The following ARHGEF3 variants were observed in gnomAD, a reference collection of about 807,000 sequenced individuals.
ARHGEF3 encodes 59.8 kDA protein.
In ARHGEF3, 28 loss-of-function variants were observed where a neutral mutation model predicts 63.2. The ratio of observed to expected loss-of-function variants is 0.44; its 90% CI spans 0.33 to 0.61. The LOEUF is 0.61. ARHGEF3 is among the 20% of genes least tolerant of loss of function. The pLI is 0.03. For synonymous variants in ARHGEF3, 266 were observed against 254.2 expected, an observed-to-expected ratio of 1.05 and a Z score of -0.44; for missense variants, 533 against 659.3, an observed-to-expected ratio of 0.81 and a Z score of 2.10.
At chr3:57,001,795 C>A (rs2107025204) in intron 2 of ARHGEF3, among the ~76,000 whole-genome samples, 1 of 152,278 alleles carries the variant, frequency 6.6e-6, no homozygotes, top group Admixed American at 6.5e-5. Flanking sequence ...GCCAAATTAA[C>A]CTCCTCCTGC....
At chr3:56,962,431 T>C (rs2106770101) in intron 2 of ARHGEF3, among the ~76,000 whole-genome samples, 2 of 152,348 alleles carry the variant, frequency 1.3e-5, no homozygotes, top group Admixed American at 1.3e-4. Context: ...GGCGTGTCTA[T>C]CGTCTGTGTC....
At chr3:56,889,450 T>C (rs1447876934) in intron 3 of ARHGEF3, among the ~76,000 whole-genome samples, 1 of 152,144 alleles carries the variant, frequency 6.6e-6, no homozygotes, top group African/African-American at 2.4e-5. Flanking sequence ...GACGCTGGAA[T>C]TGGGCACCTA....
At chr3:56,840,082 C>T (rs190120682) in intron 4 of ARHGEF3, among the ~76,000 whole-genome samples, 4 of 152,280 alleles carry the variant, frequency 2.6e-5, no homozygotes, top group African/African-American at 9.6e-5. Context: ...TGGCAGCCCA[C>T]CTTCTTCTTA....
intron 4 of ARHGEF3, among the ~76,000 whole-genome samples, chr3:56,807,633 T>C (rs2037910193): frequency 1.3e-5 from 2 of 152,088 alleles, no homozygotes; most frequent in South Asian, 4.1e-4. Flanking sequence ...CCCTCTCCTC[T>C]CTCTAATTTC....
chr3:57,075,519 A>C (rs1375676774), intron 1 of ARHGEF3: 1 of 154,334 alleles, frequency 6.5e-6, no homozygotes, highest in Non-Finnish European at 1.5e-5. Flanking sequence ...TTAAGAAAAA[A>C]AAAAAAATGG....
At chr3:57,051,468 CAA>C (rs1249319513) in intron 1 of ARHGEF3, among the ~76,000 whole-genome samples, 1 of 151,946 alleles carries the variant, frequency 6.6e-6, no homozygotes, top group Non-Finnish European at 1.5e-5. Flanking sequence ...GCCTGGGCAA[CAA>C]GAGTGAAACT....
At chr3:56,751,577 T>C (rs928270163) in intron 4 of ARHGEF3, among the ~76,000 whole-genome samples, 181 bp from the exon 5 acceptor site, 10 of 152,234 alleles carry the variant, frequency 6.6e-5, no homozygotes, top group Non-Finnish European at 2.9e-5. Context: ...AAACCAGCAC[T>C]GCCTTAAGCC....
intron 2 of ARHGEF3, among the ~76,000 whole-genome samples, chr3:57,027,914 T>C (rs1348017750): frequency 1.3e-5 from 2 of 152,072 alleles, no homozygotes; most frequent in Non-Finnish European, 2.9e-5. Context: ...ACCTGTGACA[T>C]TGGAGCAGGT....
intron 4 of ARHGEF3, among the ~76,000 whole-genome samples, chr3:56,860,285 C>T (rs1291951359): frequency 6.6e-6 from 1 of 152,060 alleles, no homozygotes; most frequent in Non-Finnish European, 1.5e-5. Flanking sequence ...TCACGTGATC[C>T]TCCTGCCTTA....
chr3:57,014,832 C>T (rs1702915715), intron 2 of ARHGEF3, among the ~76,000 whole-genome samples: 1 of 152,080 alleles, frequency 6.6e-6, no homozygotes, highest in Non-Finnish European at 1.5e-5. Context: ...AGGCGCCCGC[C>T]ACTGCACTTG....
intron 3 of ARHGEF3, among the ~76,000 whole-genome samples, chr3:56,908,579 C>T (rs1339181493): frequency 6.6e-6 from 1 of 152,140 alleles, no homozygotes; most frequent in Admixed American, 6.5e-5. Context: ...AGGGACAAGA[C>T]AACTCAGTTT....
At chr3:57,079,216 C>G (rs1706351362) in intron 1 of ARHGEF3, 1 of 397,440 alleles carries the variant, frequency 2.5e-6, no homozygotes, top group Admixed American at 4.4e-5. Flanking sequence ...CGACTGCTTC[C>G]CGCACTCACC....
chr3:56,944,084 A>C (rs1699335120), intron 3 of ARHGEF3, among the ~76,000 whole-genome samples: 1 of 152,028 alleles, frequency 6.6e-6, no homozygotes, highest in African/African-American at 2.4e-5. Flanking sequence ...GCTGAGGCAG[A>C]ATTGCTTGAA....
At chr3:57,055,292 G>C (rs1173317582) in intron 1 of ARHGEF3, among the ~76,000 whole-genome samples, 1 of 151,622 alleles carries the variant, frequency 6.6e-6, no homozygotes, top group Non-Finnish European at 1.5e-5. Flanking sequence ...CTCCTGAGTA[G>C]CTGGGACTAC....
intron 4 of ARHGEF3, among the ~76,000 whole-genome samples, chr3:56,815,674 T>C (rs1362962843): frequency 1.3e-5 from 2 of 152,224 alleles, no homozygotes; most frequent in East Asian, 1.9e-4. Flanking sequence ...GCCTAAAATA[T>C]ACCACTGTCA....
intron 1 of ARHGEF3, among the ~76,000 whole-genome samples, chr3:56,794,389 C>A (rs6769632): frequency 2.7e-5 from 4 of 150,374 alleles, no homozygotes; most frequent in Non-Finnish European, 5.9e-5. Flanking sequence ...TCGGGAGGCT[C>A]AGACAGGAGA....
intron 1 of ARHGEF3, among the ~76,000 whole-genome samples, chr3:57,064,727 C>T (rs1705430072): frequency 6.6e-6 from 1 of 152,142 alleles, no homozygotes. Context: ...TATGAGGTAT[C>T]TAGAACAGTC....
upstream of ARHGEF3, among the ~76,000 whole-genome samples, chr3:56,806,388 G>A (rs372148605): frequency 3.3e-5 from 5 of 152,242 alleles, no homozygotes; most frequent in African/African-American, 7.2e-5. Context: ...GCCTGTGTGT[G>A]TGTTTACGGG....
intron 4 of ARHGEF3, among the ~76,000 whole-genome samples, chr3:56,819,534 C>T (rs1446991618): frequency 6.9e-6 from 1 of 145,444 alleles, no homozygotes; most frequent in African/African-American, 2.5e-5. Context: ...TTTTTAAAGA[C>T]AGAGTCTAGC....
Sources: gnomAD v4.1 joint callset for allele counts (sites outside exome capture counted in the v4.1 genomes callset) on GRCh38, gnomAD v4.1.1 for gene constraint, MANE v1.5 for transcripts, NCBI Gene and HGNC (gene_info 2026-07-23, HGNC 2026-07-21) for gene names.